The following SCAPER variants were observed in gnomAD, a reference collection of about 807,000 sequenced individuals.
The protein encoded by SCAPER is S phase cyclin A-associated protein in the endoplasmic reticulum.
Under a neutral mutation model 182.2 loss-of-function variants are expected in SCAPER, and 98 were observed. The ratio of observed to expected loss-of-function variants is 0.54; its 90% CI spans 0.46 to 0.64. The LOEUF is 0.64. SCAPER is among the 30% of genes least tolerant of loss of function. The pLI is 0.00. For missense variants in SCAPER, 1,432 were observed against 1,690.0 expected (o/e 0.85, Z 2.68); for synonymous variants, 605 against 564.6 (o/e 1.07, Z -1.01).
intron 29 of SCAPER, among the ~76,000 whole-genome samples, chr15:76,359,414 A>G (rs975105907): frequency 7.2e-5 from 11 of 152,244 alleles, no homozygotes; most frequent in Non-Finnish European, 1.5e-4. Flanking sequence ...GCAGTGGCAG[A>G]GTAGGAAATG....
rs142911510 is a variant in SCAPER, at chr15:76,403,219, G to A, written c.3467+1305C>T. Among the ~76,000 whole-genome samples the A allele has an allele frequency of 5.8e-4, 89 of 152,314 alleles. No individual in the cohort carries two copies. In the East Asian group the frequency reaches 0.01, roughly 18 times the overall value. ...GGCCTCCAAGCTGGCAGGTGCCACT[G>A]TTCCAGATGGACAGTGTTTGGTATG... On this transcript the variant is annotated intron_variant, in intron 27 of 31. Transcript: ENST00000563290.
intron 6 of SCAPER, among the ~76,000 whole-genome samples, chr15:76,804,323 T>G (rs2065987719): frequency 6.6e-6 from 1 of 152,222 alleles, no homozygotes; most frequent in Middle Eastern, 3.2e-3. Context: ...AAATTAAATC[T>G]CTGTACTGAA....
At chr15:76,675,260 AATT>A (rs796200185) in intron 20 of SCAPER, among the ~76,000 whole-genome samples, 3 of 152,370 alleles carry the variant, frequency 2.0e-5, no homozygotes, top group African/African-American at 7.2e-5. Flanking sequence ...AAGTAGATGA[AATT>A]ATAATATTTA....
chr15:76,733,560 C>T (rs369536902), intron 15 of SCAPER, among the ~76,000 whole-genome samples, 176 bp from the exon 16 acceptor site: 27 of 151,694 alleles, frequency 1.8e-4, no homozygotes, highest in African/African-American at 6.5e-4. Flanking sequence ...ACCAGCCTAG[C>T]CAATATGGTG....
intron 21 of SCAPER, among the ~76,000 whole-genome samples, chr15:76,623,374 T>C (rs941006398): frequency 1.3e-5 from 2 of 152,226 alleles, no homozygotes; most frequent in African/African-American, 2.4e-5. Flanking sequence ...TTTTATAGTT[T>C]AGAGGTCTTA....
chr15:76,819,628 A>G (rs971682688), intron 5 of SCAPER, among the ~76,000 whole-genome samples: 7 of 152,194 alleles, frequency 4.6e-5, no homozygotes, highest in Admixed American at 6.5e-5. Flanking sequence ...AACCACAAAG[A>G]TAGGGAAAAA....
intron 27 of SCAPER, among the ~76,000 whole-genome samples, chr15:76,400,220 T>C (rs1408298794): frequency 6.6e-6 from 1 of 152,182 alleles, no homozygotes; most frequent in Non-Finnish European, 1.5e-5. Flanking sequence ...GAGGCAATTT[T>C]TGAAGCCCTC....
chr15:76,723,000 G>A (rs549675226), intron 17 of SCAPER, among the ~76,000 whole-genome samples: 8 of 151,648 alleles, frequency 5.3e-5, no homozygotes, highest in African/African-American at 1.7e-4. Flanking sequence ...TTGCTTCTCT[G>A]GTTCTTTTAA....
chr15:76,511,143 T>C (rs2041997088), intron 23 of SCAPER, among the ~76,000 whole-genome samples: 1 of 152,070 alleles, frequency 6.6e-6, no homozygotes, highest in Admixed American at 6.5e-5. Flanking sequence ...ACTACAAATT[T>C]GGTTCAGTGT....
chr15:76,588,251 GT>G (rs1457270813), intron 22 of SCAPER, among the ~76,000 whole-genome samples: 5 of 152,122 alleles, frequency 3.3e-5, no homozygotes, highest in Admixed American at 3.3e-4. Context: ...GGTAGCAGTA[GT>G]TGTTTTATAA....
chr15:76,814,101 G>A (rs2066883075), intron 5 of SCAPER, among the ~76,000 whole-genome samples: 1 of 152,162 alleles, frequency 6.6e-6, no homozygotes, highest in African/African-American at 2.4e-5. Context: ...CCGGGAGGCA[G>A]AGGCTGCTGT....
chr15:76,410,378 T>G (rs976633414), intron 26 of SCAPER, among the ~76,000 whole-genome samples: 1 of 152,228 alleles, frequency 6.6e-6, no homozygotes, highest in African/African-American at 2.4e-5. Context: ...TGACACATAA[T>G]TTCTACATTA....
intron 5 of SCAPER, among the ~76,000 whole-genome samples, chr15:76,812,995 T>C (rs1027504529): frequency 2.4e-5 from 3 of 125,626 alleles, no homozygotes; most frequent in Non-Finnish European, 5.1e-5. Context: ...CAAAAAATGA[T>C]GAATATACAC....
At chr15:76,643,364 G>A (rs1397228176) in intron 21 of SCAPER, among the ~76,000 whole-genome samples, 1 of 152,144 alleles carries the variant, frequency 6.6e-6, no homozygotes, top group Non-Finnish European at 1.5e-5. Context: ...CTTACTTCAT[G>A]TGAGGAAGTG....
chr15:76,888,672 C>T (rs745768932), intron 1 of SCAPER, among the ~76,000 whole-genome samples: 3 of 152,128 alleles, frequency 2.0e-5, no homozygotes, highest in African/African-American at 7.2e-5. Flanking sequence ...GAAATATGCA[C>T]TATGTGAAAA....
Position 76,617,215 on chromosome 15 carries a change from G to C in SCAPER, c.2711+4549C>G, listed in dbSNP as rs189798459. 1.6e-3 allele frequency among the ~76,000 whole-genome samples: 247 copies of C among 152,260 alleles called. 1 individual carries two copies. Among genetic ancestry groups the C allele is most frequent in the Non-Finnish European group, 2.7e-3 (186 of 68,000 alleles). Reference sequence around the variant, plus strand: ...ACTCCTGTGTCTAGAAGTTTATTTAGAAGGGACTTTGACATTTCCTCTGTT... The same window carrying C: ...ACTCCTGTGTCTAGAAGTTTATTTACAAGGGACTTTGACATTTCCTCTGTT... On this transcript the variant is annotated intron_variant, in intron 22 of 31. Coordinates refer to ENST00000563290, the MANE Select transcript of SCAPER (RefSeq NM_020843.4).
At chr15:76,435,106 G>C (rs1163226536) in intron 25 of SCAPER, among the ~76,000 whole-genome samples, 1 of 152,158 alleles carries the variant, frequency 6.6e-6, no homozygotes, top group Non-Finnish European at 1.5e-5. Flanking sequence ...GGATCCAAAA[G>C]GGGGATCTTT....
At chr15:76,671,678 G>A (rs1477936293) in intron 20 of SCAPER, among the ~76,000 whole-genome samples, 1 of 152,028 alleles carries the variant, frequency 6.6e-6, no homozygotes, top group Admixed American at 6.6e-5. Flanking sequence ...GCTGAGGCAG[G>A]AGAATGGTGT....
Position 76,795,454 on chromosome 15 carries a change from T to C in SCAPER, c.612-14A>G, listed in dbSNP as rs189913101. On this transcript the variant is annotated splice_polypyrimidine_tract_variant and intron_variant, in intron 7 of 31. Transcript: ENST00000563290. ...CCAGTTGAACCTCTATGGAGAAAAA[T>C]AAACACATTTAATAAATTAAATATA... The C allele has an allele frequency of 4.8e-3, 7,246 of 1,495,468 alleles. 24 individuals are homozygous for C. The highest frequency in any genetic ancestry group is 5.9e-3 in the Non-Finnish European group (6,686 of 1,124,320). 92.6% of individuals were successfully genotyped at this position (1,495,468 alleles called of 1,614,324 possible).
Sources: gnomAD v4.1 joint callset for allele counts (sites outside exome capture counted in the v4.1 genomes callset) on GRCh38, gnomAD v4.1.1 for gene constraint, MANE v1.5 for transcripts, NCBI Gene and HGNC (gene_info 2026-07-23, HGNC 2026-07-21) for gene names.